The following AGBL1 variants were observed in gnomAD, a reference collection of about 807,000 sequenced individuals.
The protein encoded by AGBL1 is AGBL carboxypeptidase 1, also known as cytosolic carboxypeptidase 4.
Under a neutral mutation model 118.9 loss-of-function variants are expected in AGBL1, and 130 were observed. That is an observed-to-expected ratio of 1.09 (90% confidence interval 0.95 to 1.26). The LOEUF is 1.26. Among genes scored for constraint, AGBL1 ranks in the 50% most tolerant of loss-of-function variants. The pLI is 0.00. For synonymous variants in AGBL1, 555 were observed against 478.9 expected, an observed-to-expected ratio of 1.16 and a Z score of -2.08; for missense variants, 1,584 against 1,298.1, an observed-to-expected ratio of 1.22 and a Z score of -3.38.
chr15:86,498,914 T>C lies in AGBL1; in HGVS notation c.2556-23896T>C, dbSNP rs137859335. Among the ~76,000 whole-genome samples the C allele has an allele frequency of 2.1e-3, 314 of 152,000 alleles. 1 individual carries two copies. Among genetic ancestry groups the C allele is most frequent in the Non-Finnish European group, 3.7e-3 (251 of 67,882 alleles). ...CGTATTACTCTTCTCCTAAGGAATA[T>C]GACCATGAGGCAGTTAGCACACACC... On this transcript the variant is annotated intron_variant, in intron 18 of 22. Coordinates refer to ENST00000614907, the MANE Select transcript of AGBL1 (RefSeq NM_001386094.1).
chr15:86,540,660 T>A (rs183560573), intron 19 of AGBL1, among the ~76,000 whole-genome samples: 61 of 152,256 alleles, frequency 4.0e-4, no homozygotes, highest in Non-Finnish European at 4.4e-5. Context: ...GTTAAAGAAT[T>A]GTACTGAAAA....
chr15:86,740,467 A>G (rs902387594), intron 22 of AGBL1, among the ~76,000 whole-genome samples: 1 of 152,208 alleles, frequency 6.6e-6, no homozygotes, highest in Non-Finnish European at 1.5e-5. Context: ...GGGAAGGAGT[A>G]AAATTGGGAG....
At position 86,420,267 on chromosome 15, in the gene AGBL1, G is replaced by A. The variant is rs2081768650; in HGVS notation, c.2555+22721G>A. Reference sequence around the variant, plus strand: ...TTCTAGGATGAAGCTTCCAGAGGAAGGAACAGGCAGCAATCTTTGCTGTTC... The same window carrying A: ...TTCTAGGATGAAGCTTCCAGAGGAAAGAACAGGCAGCAATCTTTGCTGTTC... On this transcript the variant is annotated intron_variant, in intron 18 of 22. Coordinates refer to ENST00000614907, the MANE Select transcript of AGBL1 (RefSeq NM_001386094.1). Among the ~76,000 whole-genome samples, 5 of 152,150 alleles carry A rather than the reference G, an allele frequency of 3.3e-5. No individual in the cohort carries two copies. The South Asian group carries it at 6.2e-4, about 19-fold the overall frequency.
intron 6 of AGBL1, among the ~76,000 whole-genome samples, chr15:86,232,649 C>T (rs1326730902): frequency 4.6e-5 from 7 of 152,202 alleles, no homozygotes; most frequent in East Asian, 1.9e-4. Flanking sequence ...TCGGGACTTA[C>T]GGAGGGCAGG....
At chr15:86,770,880 A>C (rs2078168614) in intron 22 of AGBL1, among the ~76,000 whole-genome samples, 1 of 152,068 alleles carries the variant, frequency 6.6e-6, no homozygotes, top group Non-Finnish European at 1.5e-5. Flanking sequence ...CAGGGAGGCC[A>C]GTCCTTCTCA....
At chr15:86,258,711 A>C (rs1458289760) in intron 9 of AGBL1, among the ~76,000 whole-genome samples, 1 of 151,692 alleles carries the variant, frequency 6.6e-6, no homozygotes, top group African/African-American at 2.4e-5. Flanking sequence ...GTGTTCCAAG[A>C]AATTTTTTTT....
At chr15:86,104,950 G>A (rs991273895) in intron 1 of AGBL1, 12 of 152,116 alleles carry the variant, frequency 7.9e-5, no homozygotes, top group Non-Finnish European at 1.5e-5. Context: ...TGGACCACTG[G>A]GAGCCCCTTG....
At chr15:86,791,728 TTA>T (rs3059670) in intron 22 of AGBL1, among the ~76,000 whole-genome samples, 60,820 of 142,802 alleles carry the variant, frequency 0.43, 13,687 homozygotes, top group South Asian at 0.53. Context: ...TCCTTGTTTT[TTA>T]TATATATATA....
chr15:86,567,490 G>A (rs1273547422), intron 21 of AGBL1, among the ~76,000 whole-genome samples: 8 of 152,166 alleles, frequency 5.3e-5, no homozygotes, highest in Non-Finnish European at 4.4e-5. Context: ...GAGAAAGAAA[G>A]GCATGAAGAG....
intron 21 of AGBL1, among the ~76,000 whole-genome samples, chr15:86,612,808 G>A (rs544677897): frequency 5.9e-5 from 9 of 152,188 alleles, no homozygotes; most frequent in East Asian, 3.9e-4. Flanking sequence ...CTCTGAAGCC[G>A]GCTGGCCTGA....
In AGBL1 at chr15:86,862,940, A is replaced by G. The variant is rs180905633; in HGVS notation, c.3159-44147A>G. The stretch of plus-strand genomic sequence containing the variant: ...TGGACCAAACATGGTAGCTAGAAAC[A>G]CAGGTACTTGCTGATGAATATGGGC... On this transcript the variant is annotated intron_variant, in intron 22 of 22. Coordinates refer to ENST00000614907, the MANE Select transcript of AGBL1 (RefSeq NM_001386094.1). 6.6e-5 allele frequency among the ~76,000 whole-genome samples: 10 copies of G among 152,322 alleles called. No homozygotes were observed. The South Asian group carries it at 2.1e-3, about 32-fold the overall frequency.
intron 5 of AGBL1, among the ~76,000 whole-genome samples, chr15:86,192,787 G>A (rs75408125): frequency 0.011 from 1,600 of 152,136 alleles, 8 homozygotes; most frequent in South Asian, 0.027. Flanking sequence ...AAAAAATTTG[G>A]AATTCATAAC....
intron 5 of AGBL1, among the ~76,000 whole-genome samples, chr15:86,160,053 T>C (rs2077245009): frequency 6.6e-6 from 1 of 151,982 alleles, no homozygotes; most frequent in South Asian, 2.1e-4. Context: ...GAATATCTGT[T>C]ATTTAGTATA....
At chr15:86,509,464 A>G (rs563951972) in intron 18 of AGBL1, among the ~76,000 whole-genome samples, 1 of 152,256 alleles carries the variant, frequency 6.6e-6, no homozygotes, top group Non-Finnish European at 1.5e-5. Context: ...ACTAGTTTGT[A>G]GAAAATCTTG....
chr15:86,354,705 C>T (rs909631355), intron 17 of AGBL1, among the ~76,000 whole-genome samples: 5 of 152,110 alleles, frequency 3.3e-5, no homozygotes, highest in African/African-American at 1.2e-4. Context: ...ATGTCCTTGC[C>T]CTAATCCCTT....
In AGBL1 at chr15:86,410,862, A is replaced by ATATATATTATAT. The variant is rs1567242977; in HGVS notation, c.2555+13316_2555+13317insTATATATTATAT. On this transcript the variant is annotated intron_variant, in intron 18 of 22. Transcript: ENST00000614907. The stretch of plus-strand genomic sequence containing the variant: ...TATATAATATACTATTTTATATATA[A>ATATATATTATAT]AATATATAATATATATTATAATATA... Among the ~76,000 whole-genome samples, 94 of 107,914 alleles carry ATATATATTATAT rather than the reference A, an allele frequency of 8.7e-4. 1 individual carries two copies. Among genetic ancestry groups the ATATATATTATAT allele is most frequent in the South Asian group, 2.9e-3 (11 of 3,752 alleles). The allele number at this position is 107,914 out of a possible 152,430, so 70.8% of individuals were successfully genotyped here. A position where few individuals can be genotyped will look rare whatever the true frequency, so the allele number is the denominator to read the frequency against.
chr15:86,999,318 C>T (rs1192817385), intron 24 of AGBL1, among the ~76,000 whole-genome samples: 11 of 150,462 alleles, frequency 7.3e-5, no homozygotes, highest in Admixed American at 7.3e-4. Flanking sequence ...TGCGCTGCAC[C>T]CACTAACTCG....
chr15:86,801,950 C>T (rs868179191), intron 22 of AGBL1, among the ~76,000 whole-genome samples: 5 of 152,014 alleles, frequency 3.3e-5, no homozygotes, highest in African/African-American at 1.2e-4. Context: ...ATGATCAAGC[C>T]CTGACAACAA....
chr15:86,469,622 G>T (rs1371532901), intron 18 of AGBL1, among the ~76,000 whole-genome samples: 1 of 152,024 alleles, frequency 6.6e-6, no homozygotes, highest in Non-Finnish European at 1.5e-5. Context: ...TGGATCATAG[G>T]GTAGTTCATT....
Sources: allele counts gnomAD v4.1 joint callset (sites outside exome capture counted in the v4.1 genomes callset), GRCh38; gene constraint gnomAD v4.1.1; transcripts MANE v1.5; gene names NCBI Gene and HGNC (gene_info 2026-07-23, HGNC 2026-07-21).